GABRA3: variants seen among roughly 807,000 people sequenced by gnomAD.
GABRA3 encodes the protein gamma-aminobutyric acid type A receptor subunit alpha3.
In GABRA3, 10 loss-of-function variants were observed where a neutral mutation model predicts 30.1. That is an observed-to-expected ratio of 0.33 (90% CI 0.20 to 0.56). The LOEUF is 0.56. Among genes scored for constraint, GABRA3 ranks in the 20% least tolerant of loss-of-function variants. GABRA3 has a pLI of 0.89. For synonymous variants in GABRA3, 151 were observed against 146.8 expected (o/e 1.03, Z -0.21); for missense variants, 233 against 392.0 (o/e 0.59, Z 3.42).
intron 5 of GABRA3, among the ~76,000 whole-genome samples, chrX:152,241,342 T>C (rs1217415511): frequency 3.2e-5 from 3 of 93,195 alleles, no homozygotes; most frequent in African/African-American, 1.0e-4. Flanking sequence ...GGGACCCACT[T>C]GAGGAGGCAG....
chrX:152,376,930 C>T (rs1929014233), intron 1 of GABRA3, among the ~76,000 whole-genome samples: 3 of 111,107 alleles, frequency 2.7e-5, no homozygotes, highest in Admixed American at 1.9e-4. Context: ...ACAGGAATAA[C>T]AGAAAACAGT....
chrX:152,328,886 A>G (rs891150190), intron 3 of GABRA3, among the ~76,000 whole-genome samples: 2 of 111,759 alleles, frequency 1.8e-5, no homozygotes, highest in African/African-American at 3.3e-5. Flanking sequence ...AGGGTATTCA[A>G]TTAGGAAACG....
chrX:152,199,198 C>G (rs1172877628), intron 7 of GABRA3, among the ~76,000 whole-genome samples: 6 of 107,872 alleles, frequency 5.6e-5, no homozygotes, highest in Non-Finnish European at 9.7e-5. Flanking sequence ...AACCCCATCT[C>G]TACTAAAAAT....
At chrX:152,178,794 C>CA (rs1937107587) in intron 9 of GABRA3, among the ~76,000 whole-genome samples, 1 of 111,166 alleles carries the variant, frequency 9.0e-6, no homozygotes, top group South Asian at 3.8e-4. Context: ...ACCCTTACCC[C>CA]AATGCACCCA....
At chrX:152,246,647 G>A (rs1938465082) in intron 5 of GABRA3, among the ~76,000 whole-genome samples, 1 of 111,513 alleles carries the variant, frequency 9.0e-6, no homozygotes, top group Admixed American at 9.6e-5. Flanking sequence ...AGTGCACACA[G>A]TAATTTGGGA....
intron 3 of GABRA3, among the ~76,000 whole-genome samples, chrX:152,330,376 G>A (rs151172285): frequency 0.06 from 6,643 of 111,633 alleles, 198 homozygotes; most frequent in Middle Eastern, 0.1. Flanking sequence ...TATAAATCAT[G>A]CTGCTATAAA....
chrX:152,185,612 C>T (rs1436191686), intron 9 of GABRA3, among the ~76,000 whole-genome samples: 2 of 111,559 alleles, frequency 1.8e-5, no homozygotes, highest in Non-Finnish European at 3.8e-5. Context: ...GCATTTGTCC[C>T]TCCTCTACTG....
At chrX:152,326,427 G>A (rs1043739257) in intron 3 of GABRA3, among the ~76,000 whole-genome samples, 1 of 111,170 alleles carries the variant, frequency 9.0e-6, no homozygotes, top group African/African-American at 3.3e-5. Context: ...TTGAAATGAA[G>A]GAAAAAATGT....
chrX:152,393,112 C>G (rs575580197), intron 1 of GABRA3, among the ~76,000 whole-genome samples: 7 of 111,779 alleles, frequency 6.3e-5, no homozygotes, highest in Admixed American at 4.8e-4. Context: ...ATTACCAAAA[C>G]GGATATGGTT....
At chrX:152,191,899 T>C (rs968395853) in intron 8 of GABRA3, among the ~76,000 whole-genome samples, 2 of 111,556 alleles carry the variant, frequency 1.8e-5, no homozygotes, top group Non-Finnish European at 3.8e-5. Flanking sequence ...ATTAACAAAC[T>C]CTCTGAATCT....
intron 1 of GABRA3, among the ~76,000 whole-genome samples, chrX:152,435,534 G>A (rs1488321984): frequency 1.9e-5 from 2 of 106,682 alleles, no homozygotes; most frequent in African/African-American, 3.4e-5. Context: ...TCATAAGGGG[G>A]AGTTGAACAA....
At chrX:152,236,310 C>A (rs1378484542) in intron 5 of GABRA3, among the ~76,000 whole-genome samples, 11 of 105,482 alleles carry the variant, frequency 1.0e-4, no homozygotes, top group Non-Finnish European at 1.6e-4. Flanking sequence ...CATGTCCCTA[C>A]AAAGGACATG....
chrX:152,336,905 G>A (rs767297371), intron 3 of GABRA3, among the ~76,000 whole-genome samples: 3 of 111,326 alleles, frequency 2.7e-5, no homozygotes, highest in African/African-American at 9.8e-5. Flanking sequence ...ACAAGTCAGA[G>A]TCATAGATGT....
rs141703937 is a variant in GABRA3 at position 152,213,345 on chromosome X, T to G, written c.635-5201A>C. 4.9e-3 allele frequency among the ~76,000 whole-genome samples: 552 copies of G among 111,714 alleles called. 5 individuals are homozygous for G. Among genetic ancestry groups the G allele is most frequent in the African/African-American group, 0.017 (514 of 30,756 alleles). ...CTGAGGCCTCATCACCTCATTGAGC[T>G]TACAGTCTAGTGAGAAAAGACTGAC... On this transcript the variant is annotated intron_variant, in intron 6 of 9. Coordinates refer to ENST00000370314, the MANE Select transcript of GABRA3 (RefSeq NM_000808.4).
At chrX:152,382,969 T>A (rs985239459) in intron 1 of GABRA3, among the ~76,000 whole-genome samples, 8 of 111,935 alleles carry the variant, frequency 7.1e-5, no homozygotes, top group Non-Finnish European at 1.3e-4. Flanking sequence ...TGCCTTCACA[T>A]TTGTTCTTTT....
At chrX:152,309,911 T>C (rs1323134557) in intron 3 of GABRA3, among the ~76,000 whole-genome samples, 1 of 111,985 alleles carries the variant, frequency 8.9e-6, no homozygotes, top group Non-Finnish European at 1.9e-5. Context: ...GTGACACTCA[T>C]AGGCTCAAAG....
chrX:152,238,084 A>G (rs1246476370), intron 5 of GABRA3, among the ~76,000 whole-genome samples: 1 of 107,648 alleles, frequency 9.3e-6, no homozygotes, highest in African/African-American at 3.5e-5. Flanking sequence ...TTTCAAAGGG[A>G]ATGCTTCCAG....
At chrX:152,233,715 T>G (rs1378273945) in intron 5 of GABRA3, among the ~76,000 whole-genome samples, 1 of 105,701 alleles carries the variant, frequency 9.5e-6, no homozygotes, top group African/African-American at 3.5e-5. Context: ...CAAAGGACTA[T>G]AAATCATGCT....
At chrX:152,441,362 A>AT (rs1930926841) in intron 1 of GABRA3, among the ~76,000 whole-genome samples, 1 of 112,205 alleles carries the variant, frequency 8.9e-6, no homozygotes, top group Non-Finnish European at 1.9e-5. Flanking sequence ...AAATGCCAAG[A>AT]TATAACATAT....
Sources: gnomAD v4.1 joint callset for allele counts (sites outside exome capture counted in the v4.1 genomes callset) on GRCh38, gnomAD v4.1.1 for gene constraint, MANE v1.5 for transcripts, NCBI Gene and HGNC (gene_info 2026-07-23, HGNC 2026-07-21) for gene names.